Variants in PREX2 observed in about 807,000 individuals in gnomAD.
PREX2 encodes phosphatidylinositol-3,4,5-trisphosphate dependent Rac exchange factor 2.
In PREX2, 107 loss-of-function variants were observed where a neutral mutation model predicts 203.2. The observed-to-expected ratio is 0.53, with a 90% CI of 0.45 to 0.62. PREX2 has a LOEUF of 0.62. PREX2 is among the 20% of genes least tolerant of loss of function. The pLI, the probability that PREX2 is intolerant of heterozygous loss-of-function variation, is 0.00. For synonymous variants in PREX2, 672 were observed against 663.6 expected (o/e 1.01, Z -0.19); for missense variants, 1,777 against 1,955.9 (o/e 0.91, Z 1.72).
chr8:67,986,232 C>T (rs1055880340), intron 1 of PREX2, among the ~76,000 whole-genome samples: 9 of 152,112 alleles, frequency 5.9e-5, no homozygotes, highest in African/African-American at 2.2e-4. Context: ...TTTTAATCTC[C>T]ACCGTAATCC....
chr8:68,052,495 T>A (rs377325310), intron 8 of PREX2, among the ~76,000 whole-genome samples: 5 of 152,358 alleles, frequency 3.3e-5, no homozygotes, highest in East Asian at 3.9e-4. Flanking sequence ...TTTCTATTTA[T>A]GTGACTTAAA....
At chr8:68,214,181 G>A (rs1002112351) in intron 37 of PREX2, among the ~76,000 whole-genome samples, 1 of 152,160 alleles carries the variant, frequency 6.6e-6, no homozygotes, top group African/African-American at 2.4e-5. Context: ...CAGGTGAATC[G>A]CTTGAGACAA....
intron 13 of PREX2, among the ~76,000 whole-genome samples, chr8:68,071,177 T>C (rs773181441): frequency 1.3e-5 from 2 of 152,184 alleles, no homozygotes; most frequent in African/African-American, 4.8e-5. Flanking sequence ...GAAAGCTGCA[T>C]CTGTAAGAGC....
At chr8:67,982,675 G>A (rs1203788892) in intron 1 of PREX2, among the ~76,000 whole-genome samples, 1 of 152,190 alleles carries the variant, frequency 6.6e-6, no homozygotes, top group Non-Finnish European at 1.5e-5. Context: ...TTATGTATAA[G>A]AACAGCTGAT....
intron 25 of PREX2, among the ~76,000 whole-genome samples, 179 bp downstream of exon 25, chr8:68,109,802 A>G (rs1361000996): frequency 6.6e-6 from 1 of 152,228 alleles, no homozygotes; most frequent in Non-Finnish European, 1.5e-5. Flanking sequence ...AAATACATAT[A>G]GGTATATATT....
At chr8:68,192,554 C>T in intron 37 of PREX2, 29 bp downstream of exon 37, 1 of 1,530,156 alleles carries the variant, frequency 6.5e-7, no homozygotes, top group Non-Finnish European at 8.9e-7. Context: ...TTGCTTGCCT[C>T]TTTGTTAGAT....
chr8:68,127,432 A>AT lies in PREX2; in HGVS notation c.3766+17dup. The AT allele has an allele frequency of 6.3e-7, 1 of 1,598,308 alleles. No homozygotes were observed. The highest frequency in any genetic ancestry group is 8.6e-7 in the Non-Finnish European group (1 of 1,167,752). On this transcript the variant is annotated intron_variant, in intron 31 of 39. Coordinates refer to ENST00000288368, the MANE Select transcript of PREX2 (RefSeq NM_024870.4). ...CTTGAATATTCAGGTAACATTTTGCATTTTATTTTTTTTTACTATTTAAGT... is the reference window on the plus strand; with the variant it reads ...CTTGAATATTCAGGTAACATTTTGCATTTTTATTTTTTTTTACTATTTAAGT...
At chr8:68,229,597 A>C (rs1392609540) in intron 39 of PREX2, among the ~76,000 whole-genome samples, 1 of 152,222 alleles carries the variant, frequency 6.6e-6, no homozygotes, top group Non-Finnish European at 1.5e-5. Context: ...AGGTGATCAC[A>C]GGGAGTAGCC....
In PREX2 at chr8:68,231,502, A is replaced by C; in HGVS notation, c.*124A>C. The C allele has an allele frequency of 1.4e-6, 1 of 694,850 alleles. No homozygotes were observed. The highest frequency in any genetic ancestry group is 2.2e-6 in the Non-Finnish European group (1 of 453,784). The allele number at this position is 694,850 out of a possible 1,614,324, so 43.0% of individuals were successfully genotyped here. A position where few individuals can be genotyped will look rare whatever the true frequency, so the allele number is the denominator to read the frequency against. On this transcript the variant is annotated 3_prime_UTR_variant, in exon 40 of 40. Transcript: ENST00000288368. Reference sequence around the variant, plus strand: ...CTTTTTTTTTTTTTTTTTTCTGTAAATCTTTCTTCCCATTGCAAACAAGTA... The same window carrying C: ...CTTTTTTTTTTTTTTTTTTCTGTAACTCTTTCTTCCCATTGCAAACAAGTA...
chr8:68,195,812 C>G (rs1812383364), intron 37 of PREX2, among the ~76,000 whole-genome samples: 1 of 152,074 alleles, frequency 6.6e-6, no homozygotes, highest in Admixed American at 6.6e-5. Context: ...CAATTTCCTG[C>G]CTTTTCTGAT....
At chr8:67,972,999 C>A (rs983301080) in intron 1 of PREX2, among the ~76,000 whole-genome samples, 3 of 152,132 alleles carry the variant, frequency 2.0e-5, no homozygotes, top group Admixed American at 6.5e-5. Flanking sequence ...CTTCTCTGGT[C>A]TCCCTGGACT....
chr8:68,121,444 A>G (rs762794042), intron 30 of PREX2, among the ~76,000 whole-genome samples: 24 of 152,282 alleles, frequency 1.6e-4, no homozygotes, highest in Non-Finnish European at 2.6e-4. Context: ...AATCAAAATA[A>G]TCACATAGGT....
intron 37 of PREX2, among the ~76,000 whole-genome samples, chr8:68,206,329 A>G (rs1390816747): frequency 1.3e-5 from 2 of 152,212 alleles, no homozygotes; most frequent in African/African-American, 4.8e-5. Flanking sequence ...CAGAATGTTC[A>G]GTTGAAATCT....
chr8:68,136,114 G>T (rs1482805252), intron 32 of PREX2, among the ~76,000 whole-genome samples: 1 of 152,134 alleles, frequency 6.6e-6, no homozygotes, highest in Non-Finnish European at 1.5e-5. Flanking sequence ...TTGGGTATTG[G>T]TTATCTTTGG....
At chr8:68,227,020 A>G (rs533454777) in intron 39 of PREX2, among the ~76,000 whole-genome samples, 1 of 152,334 alleles carries the variant, frequency 6.6e-6, no homozygotes, top group Non-Finnish European at 1.5e-5. Context: ...GAGACTGGAG[A>G]TATAGGCAGA....
intron 35 of PREX2, among the ~76,000 whole-genome samples, chr8:68,172,387 A>C (rs539645095): frequency 6.6e-6 from 1 of 152,340 alleles, no homozygotes; most frequent in African/African-American, 2.4e-5. Flanking sequence ...GCTCCTGTCA[A>C]GTACCAAGGA....
At chr8:67,969,718 T>C (rs1040136499) in intron 1 of PREX2, among the ~76,000 whole-genome samples, 5 of 152,204 alleles carry the variant, frequency 3.3e-5, no homozygotes. Context: ...AAGTCTGGTC[T>C]CTTCTGGAGA....
intron 1 of PREX2, among the ~76,000 whole-genome samples, chr8:68,005,585 C>G (rs1585698552): frequency 6.6e-6 from 1 of 152,226 alleles, no homozygotes; most frequent in African/African-American, 2.4e-5. Flanking sequence ...ACATACCCCT[C>G]TTTCACTCCA....
intron 38 of PREX2, among the ~76,000 whole-genome samples, chr8:68,222,709 CAAA>C (rs575924238): frequency 8.6e-6 from 1 of 115,678 alleles, no homozygotes. Flanking sequence ...TATTAACTAC[CAAA>C]AAAAAAAAAA....
Sources: allele counts gnomAD v4.1 joint callset (sites outside exome capture counted in the v4.1 genomes callset), GRCh38; gene constraint gnomAD v4.1.1; transcripts MANE v1.5; gene names NCBI Gene and HGNC (gene_info 2026-07-23, HGNC 2026-07-21).